The following MAP3K7CL variants were observed in gnomAD, a reference collection of about 807,000 sequenced individuals.
MAP3K7CL encodes MAP3K7 C-terminal-like protein.
In MAP3K7CL, 16 loss-of-function variants were observed where a neutral mutation model predicts 18.6. That is an observed-to-expected ratio of 0.86 (90% CI 0.58 to 1.31). The LOEUF (loss-of-function observed/expected upper bound fraction) is 1.31. Among genes scored for constraint, MAP3K7CL ranks in the 50% most tolerant of loss-of-function variants. MAP3K7CL has a pLI of 0.00. For missense variants in MAP3K7CL, 163 were observed against 174.4 expected (o/e 0.93, Z 0.37); for synonymous variants, 65 against 66.8 (o/e 0.97, Z 0.13).
intron 4 of MAP3K7CL, chr21:29,108,982 T>C: frequency 7.1e-7 from 1 of 1,400,670 alleles, no homozygotes; most frequent in South Asian, 1.4e-5. Flanking sequence ...GAATCTGAAT[T>C]CAATGTCGGC....
rs114281819 is a variant in MAP3K7CL, at chr21:29,140,486, G to A, written c.70+7072G>A. Among the ~76,000 whole-genome samples, 353 of 152,276 alleles carry A rather than the reference G, an allele frequency of 2.3e-3. 1 individual carries two copies. The highest frequency in any genetic ancestry group is 8.0e-3 in the African/African-American group (334 of 41,540). ...GAAATAAATGTTTGCTAAGTGAGGC[G>A]AAGTGACTTGCTTCAAATCATGCAA... On this transcript the variant is annotated intron_variant, in intron 2 of 4. Coordinates refer to ENST00000399928, the MANE Select transcript of MAP3K7CL (RefSeq NM_001286620.2).
intron 2 of MAP3K7CL, among the ~76,000 whole-genome samples, chr21:29,144,425 AAAGTGCTAGGATTAC>A (rs2087080748): frequency 6.6e-6 from 1 of 152,230 alleles, no homozygotes. Flanking sequence ...TGGGCCTCCC[AAAGTGCTAGGATTAC>A]AAGTATGAGT....
At chr21:29,166,207 A>G (rs992684560) in intron 4 of MAP3K7CL, among the ~76,000 whole-genome samples, 3 of 151,958 alleles carry the variant, frequency 2.0e-5, no homozygotes, top group Non-Finnish European at 2.9e-5. Context: ...TACTCTCTAC[A>G]TCAATGAGAT....
chr21:29,165,561 T>C (rs2087665243), intron 4 of MAP3K7CL, among the ~76,000 whole-genome samples: 1 of 152,216 alleles, frequency 6.6e-6, no homozygotes, highest in Non-Finnish European at 1.5e-5. Flanking sequence ...TATATATTTT[T>C]ATAAACAATT....
intron 4 of MAP3K7CL, among the ~76,000 whole-genome samples, chr21:29,118,441 A>G (rs1396803846): frequency 6.6e-6 from 1 of 151,618 alleles, no homozygotes; most frequent in Non-Finnish European, 1.5e-5. Flanking sequence ...TTCCAGAAAT[A>G]TTTACTGAGG....
At position 29,169,146 on chromosome 21, in the gene MAP3K7CL, A is replaced by G. The variant is rs752429447; in HGVS notation, c.249-5566A>G. Among the ~76,000 whole-genome samples, 148 of 152,236 alleles carry G rather than the reference A, an allele frequency of 9.7e-4. 3 individuals are homozygous for G. Among genetic ancestry groups the G allele is most frequent in the Admixed American group, 8.5e-4 (13 of 15,288 alleles). Reference sequence around the variant, plus strand: ...GCTAGACTTCCTACAACGCCAATGTATAGACAGTGCCCAACGACAAAGAAT... The same window carrying G: ...GCTAGACTTCCTACAACGCCAATGTGTAGACAGTGCCCAACGACAAAGAAT... On this transcript the variant is annotated intron_variant, in intron 4 of 4. Coordinates refer to ENST00000399928, the MANE Select transcript of MAP3K7CL (RefSeq NM_001286620.2).
At chr21:29,127,999 G>C (rs1182576354), upstream of MAP3K7CL, 1 of 152,214 alleles carries the variant, frequency 6.6e-6, no homozygotes, top group African/African-American at 2.4e-5. Flanking sequence ...ATTCTGAACT[G>C]TCAGTTTCAC....
At chr21:29,131,875 T>C (rs1014708541) in intron 1 of MAP3K7CL, among the ~76,000 whole-genome samples, 1 of 152,206 alleles carries the variant, frequency 6.6e-6, no homozygotes, top group East Asian at 1.9e-4. Context: ...AAATTCAGTG[T>C]TCTGGACACT....
intron 4 of MAP3K7CL, among the ~76,000 whole-genome samples, chr21:29,169,999 C>T (rs2087784573): frequency 6.6e-6 from 1 of 152,188 alleles, no homozygotes; most frequent in African/African-American, 2.4e-5. Flanking sequence ...CCCCATATTA[C>T]ATTACACTGA....
At chr21:29,097,548 G>T (rs1427319033) in intron 4 of MAP3K7CL, among the ~76,000 whole-genome samples, 3 of 151,520 alleles carry the variant, frequency 2.0e-5, no homozygotes, top group Admixed American at 1.3e-4. Flanking sequence ...GATTACTTCA[G>T]TTCTTAGGCC....
At chr21:29,132,796 C>T (rs913230570) in intron 1 of MAP3K7CL, among the ~76,000 whole-genome samples, 2 of 152,138 alleles carry the variant, frequency 1.3e-5, no homozygotes, top group African/African-American at 4.8e-5. Context: ...AGGCATGAGC[C>T]ACCACACCCA....
rs756879316 is a variant in MAP3K7CL, at chr21:29,159,948, C to T, written c.140C>T (p.Pro47Leu). The change falls in exon 4 of 5, where the codon CCG becomes CTG. Residue 47 changes from proline to leucine, a missense_variant. By Grantham distance (98) the Pro-to-Leu change is moderately conservative (BLOSUM62 -3). Transcript: ENST00000399928. ...TTCTTGTTGTTTGTGAAGCCCCTGC[C>T]GCCTTGTCATGACTCCGAGGAATCC... ...PELDQQLQPLPPCHDSEESME... is the reference protein window; with the variant it reads ...PELDQQLQPLLPCHDSEESME... 7.4e-6 allele frequency: 12 copies of T among 1,612,978 alleles called. No individual in the cohort carries two copies. Among genetic ancestry groups the T allele is most frequent in the East Asian group, 6.7e-5 (3 of 44,832 alleles).
At chr21:29,092,286 A>G in intron 3 of MAP3K7CL, 1 of 885,436 alleles carries the variant, frequency 1.1e-6, no homozygotes, top group Non-Finnish European at 1.7e-6. Flanking sequence ...CCTGATGAGA[A>G]ACCTTTCCAG....
intron 4 of MAP3K7CL, among the ~76,000 whole-genome samples, chr21:29,107,812 C>T (rs2086350565): frequency 6.6e-6 from 1 of 152,132 alleles, no homozygotes; most frequent in South Asian, 2.1e-4. Context: ...GTTGAGTATT[C>T]TATTAAAGGT....
At chr21:29,094,397 CTGATTCAGAAAGT>C (rs932165592) in intron 4 of MAP3K7CL, among the ~76,000 whole-genome samples, 10 of 152,212 alleles carry the variant, frequency 6.6e-5, no homozygotes, top group African/African-American at 2.4e-4. Context: ...CCAACATTTT[CTGATTCAGAAAGT>C]CTAGGGTGGG....
chr21:29,153,171 T>C (rs1390257547), intron 3 of MAP3K7CL, among the ~76,000 whole-genome samples: 1 of 152,238 alleles, frequency 6.6e-6, no homozygotes, highest in East Asian at 1.9e-4. Flanking sequence ...TTGATGTCTC[T>C]ATTAATGCAA....
At chr21:29,144,612 G>A (rs1300161666) in intron 2 of MAP3K7CL, among the ~76,000 whole-genome samples, 1 of 152,232 alleles carries the variant, frequency 6.6e-6, no homozygotes, top group Admixed American at 6.5e-5. Flanking sequence ...GAATCGTGGA[G>A]TCTTGGGTGG....
intron 2 of MAP3K7CL, among the ~76,000 whole-genome samples, chr21:29,138,345 G>A (rs531026308): frequency 6.6e-5 from 10 of 152,198 alleles, no homozygotes; most frequent in South Asian, 2.1e-4. Flanking sequence ...TCAAAGAGTC[G>A]AAACTTCCTA....
At chr21:29,120,603 G>A (rs2086575549) in intron 4 of MAP3K7CL, among the ~76,000 whole-genome samples, 1 of 152,058 alleles carries the variant, frequency 6.6e-6, no homozygotes. Flanking sequence ...ATATTTCATG[G>A]GATTTCGACA....
Sources: allele counts gnomAD v4.1 joint callset (sites outside exome capture counted in the v4.1 genomes callset), GRCh38; gene constraint gnomAD v4.1.1; transcripts MANE v1.5; gene names NCBI Gene and HGNC (gene_info 2026-07-23, HGNC 2026-07-21).